Variants in VWA8 observed in about 807,000 individuals in gnomAD.
VWA8 encodes von Willebrand factor A domain-containing protein 8.
A neutral mutation model predicts 241.5 loss-of-function variants in VWA8; 221 were observed. The observed-to-expected ratio is 0.91, with a 90% CI of 0.82 to 1.02. VWA8 has a LOEUF of 1.02. Among genes scored for constraint, VWA8 ranks in the 50% least tolerant of loss-of-function variants. The probability of loss-of-function intolerance (pLI) is 0.00; values close to 1 mark genes in which losing one functional copy is unlikely to be tolerated. For synonymous variants in VWA8, 852 were observed against 827.1 expected (o/e 1.03, Z -0.52); for missense variants, 2,322 against 2,328.7 (o/e 1.00, Z 0.06).
intron 37 of VWA8, among the ~76,000 whole-genome samples, chr13:41,659,646 A>G (rs1033980178): frequency 7.9e-5 from 12 of 152,372 alleles, no homozygotes; most frequent in African/African-American, 2.9e-4. Flanking sequence ...CAAATAGAGT[A>G]TCTTACTGAT....
chr13:41,865,664 A>G, intron 12 of VWA8, 72 bp downstream of exon 12: 1 of 1,519,774 alleles, frequency 6.6e-7, no homozygotes, highest in South Asian at 1.2e-5. Context: ...ACAAGAAGAT[A>G]TCCATAAATT....
chr13:41,573,486 A>AAAAAAAT, intron 43 of VWA8, among the ~76,000 whole-genome samples: 1 of 113,614 alleles, frequency 8.8e-6, no homozygotes, highest in South Asian at 3.1e-4. Flanking sequence ...AAAAAAAAAA[A>AAAAAAAT]ATATATATAT....
At chr13:41,742,412 A>C (rs778859353) in intron 21 of VWA8, among the ~76,000 whole-genome samples, 2 of 152,200 alleles carry the variant, frequency 1.3e-5, no homozygotes, top group Non-Finnish European at 2.9e-5. Context: ...AGAGATGGGA[A>C]TATGTAATTG....
At chr13:41,660,873 G>T (rs12868547) in intron 37 of VWA8, among the ~76,000 whole-genome samples, 316 of 151,848 alleles carry the variant, frequency 2.1e-3, no homozygotes, top group African/African-American at 7.3e-3. Flanking sequence ...TCTGAGAATT[G>T]GGTTTCTTTT....
At chr13:41,817,323 C>T (rs1396179637) in intron 15 of VWA8, among the ~76,000 whole-genome samples, 2 of 152,082 alleles carry the variant, frequency 1.3e-5, no homozygotes, top group East Asian at 1.9e-4. Flanking sequence ...TCAATGAACT[C>T]GGAAGAGCAA....
chr13:41,703,548 T>C, intron 26 of VWA8, 137 bp from the exon 27 acceptor site: 2 of 660,400 alleles, frequency 3.0e-6, no homozygotes. Context: ...CATCATTTTA[T>C]TAAACGACAG....
In VWA8 at chr13:41,933,648, C is replaced by A. The variant is rs912680599; in HGVS notation, c.241+16288G>T. On this transcript the variant is annotated intron_variant, in intron 2 of 44. Coordinates refer to ENST00000379310, the MANE Select transcript of VWA8 (RefSeq NM_015058.2). ...AATGGAACAGAACAGAGTCTAAAAA[C>A]AGACTCACAATACACACAGGCATCA... Among the ~76,000 whole-genome samples, 15 of 152,108 alleles carry A rather than the reference C, an allele frequency of 9.9e-5. No homozygotes were observed. In the South Asian group the frequency reaches 3.1e-3, roughly 32 times the overall value.
chr13:41,827,879 T>C (rs1871246960), intron 14 of VWA8, among the ~76,000 whole-genome samples: 1 of 152,228 alleles, frequency 6.6e-6, no homozygotes, highest in Admixed American at 6.5e-5. Flanking sequence ...TCCTTGACAT[T>C]TGGAGACAAG....
rs941512654 is a variant in VWA8 at position 41,864,596 on chromosome 13, T to C, written c.1425+1140A>G. On this transcript the variant is annotated intron_variant, in intron 12 of 44. Coordinates refer to ENST00000379310, the MANE Select transcript of VWA8 (RefSeq NM_015058.2). ...CTAGACAAGAAGGACAAAAATTATA[T>C]GATTCCATTTATATGAGGTACCTAG... is the stretch of plus-strand genomic sequence containing the variant. 4.3e-5 allele frequency: 19 copies of C among 444,374 alleles called. No homozygotes were observed. The Middle Eastern group carries it at 2.3e-3, about 54-fold the overall frequency. 27.5% of individuals were successfully genotyped at this position (444,374 alleles called of 1,614,324 possible).
intron 20 of VWA8, among the ~76,000 whole-genome samples, chr13:41,764,091 C>T (rs1470752874): frequency 1.3e-5 from 2 of 152,240 alleles, no homozygotes; most frequent in East Asian, 1.9e-4. Flanking sequence ...GAAACAGATG[C>T]TTATCATCCT....
chr13:41,734,333 G>A (rs764293350), intron 21 of VWA8, among the ~76,000 whole-genome samples: 14 of 151,912 alleles, frequency 9.2e-5, no homozygotes, highest in African/African-American at 1.7e-4. Flanking sequence ...GCGAGACTCC[G>A]TCTAAAAAAA....
chr13:41,914,768 A>G (rs1439605282), intron 2 of VWA8, among the ~76,000 whole-genome samples: 2 of 152,238 alleles, frequency 1.3e-5, no homozygotes, highest in South Asian at 2.1e-4. Flanking sequence ...CAACTTTGGC[A>G]ATGTGCCTGA....
At chr13:41,669,752 A>C (rs1402556435) in intron 37 of VWA8, among the ~76,000 whole-genome samples, 1 of 152,196 alleles carries the variant, frequency 6.6e-6, no homozygotes, top group East Asian at 1.9e-4. Flanking sequence ...AGCTTAATTC[A>C]AAAAGAGAAG....
At position 41,769,107 on chromosome 13, in the gene VWA8, A is replaced by G. The variant is rs1483339008; in HGVS notation, c.2350-7903T>C. On this transcript the variant is annotated intron_variant, in intron 20 of 44. Coordinates refer to ENST00000379310, the MANE Select transcript of VWA8 (RefSeq NM_015058.2). ...TTTTCCGTAGAGACAGTATTTTACT[A>G]TATTGCCCAGGCTGGTCTGCAGCTT... 3.3e-5 allele frequency among the ~76,000 whole-genome samples: 5 copies of G among 152,084 alleles called. No individual in the cohort carries two copies. In the East Asian group the frequency reaches 9.6e-4, roughly 29 times the overall value.
rs527771005 is a variant in VWA8, at chr13:41,880,424, C to A, written c.1080+2963G>T. On this transcript the variant is annotated intron_variant, in intron 9 of 44. Coordinates refer to ENST00000379310, the MANE Select transcript of VWA8 (RefSeq NM_015058.2). ...ACAAGAACTGTGGCCAGTATAATCACCACATAAGCCTCCAAATGAGGAAAT... is the reference window on the plus strand; with the variant it reads ...ACAAGAACTGTGGCCAGTATAATCAACACATAAGCCTCCAAATGAGGAAAT... 2.0e-5 allele frequency among the ~76,000 whole-genome samples: 3 copies of A among 152,320 alleles called. No individual in the cohort carries two copies. The South Asian group carries it at 6.2e-4, about 32-fold the overall frequency.
intron 17 of VWA8, among the ~76,000 whole-genome samples, chr13:41,790,141 A>T (rs1379286249): frequency 6.6e-6 from 1 of 152,130 alleles, no homozygotes; most frequent in East Asian, 1.9e-4. Flanking sequence ...GAAAAGCCTA[A>T]AGAAGGTCTC....
chr13:41,767,596 A>G (rs2045788012), intron 20 of VWA8, among the ~76,000 whole-genome samples: 1 of 152,234 alleles, frequency 6.6e-6, no homozygotes, highest in Non-Finnish European at 1.5e-5. Context: ...AAATAATCCT[A>G]AACAGTCATA....
intron 17 of VWA8, among the ~76,000 whole-genome samples, chr13:41,808,775 G>A (rs534537955): frequency 6.6e-6 from 1 of 151,970 alleles, no homozygotes; most frequent in Non-Finnish European, 1.5e-5. Context: ...ATACAAGAGA[G>A]AAATGAAAAG....
At chr13:41,836,205 T>A (rs975335541) in intron 12 of VWA8, among the ~76,000 whole-genome samples, 1 of 152,112 alleles carries the variant, frequency 6.6e-6, no homozygotes, top group Non-Finnish European at 1.5e-5. Flanking sequence ...CACAACAAAA[T>A]AACATAAATT....
Sources: gnomAD v4.1 joint callset for allele counts (sites outside exome capture counted in the v4.1 genomes callset) on GRCh38, gnomAD v4.1.1 for gene constraint, MANE v1.5 for transcripts, NCBI Gene and HGNC (gene_info 2026-07-23, HGNC 2026-07-21) for gene names.